ZRANB3: variants seen among roughly 807,000 people sequenced by gnomAD.
ZRANB3 encodes zinc finger RANBP2-type containing 3.
ZRANB3 carries 125 observed loss-of-function variants against 133.8 expected under a neutral mutation model. That is an observed-to-expected ratio of 0.93 (90% confidence interval 0.81 to 1.08). ZRANB3 has a LOEUF of 1.08. Among genes scored for constraint, ZRANB3 ranks in the 50% least tolerant of loss-of-function variants. The pLI, the probability that ZRANB3 is intolerant of heterozygous loss-of-function variation, is 0.00. For synonymous variants in ZRANB3, 387 were observed against 432.7 expected (o/e 0.89, Z 1.31); for missense variants, 1,229 against 1,275.5 (o/e 0.96, Z 0.56).
chr2:135,463,990 A>G (rs982244563), intron 2 of ZRANB3, among the ~76,000 whole-genome samples: 1 of 152,192 alleles, frequency 6.6e-6, no homozygotes, highest in Admixed American at 6.5e-5. Flanking sequence ...TGGAAGACAC[A>G]AATATGTACT....
At chr2:135,328,151 G>A (rs1573918153) in intron 6 of ZRANB3, among the ~76,000 whole-genome samples, 1 of 152,054 alleles carries the variant, frequency 6.6e-6, no homozygotes, top group Non-Finnish European at 1.5e-5. Context: ...GTGCCACGTT[G>A]GTTTGCTGCA....
intron 2 of ZRANB3, among the ~76,000 whole-genome samples, chr2:135,432,873 T>A (rs570983800): frequency 1.4e-4 from 22 of 152,304 alleles, no homozygotes; most frequent in African/African-American, 5.1e-4. Flanking sequence ...CTGTTCCAAG[T>A]GAACCAGAGG....
chr2:135,458,283 C>A (rs1046240182), intron 2 of ZRANB3, among the ~76,000 whole-genome samples: 3 of 151,990 alleles, frequency 2.0e-5, no homozygotes, highest in Non-Finnish European at 4.4e-5. Context: ...TCATTCATTA[C>A]TATAGCTATG....
intron 2 of ZRANB3, among the ~76,000 whole-genome samples, chr2:135,395,442 C>CTTT (rs533900626): frequency 2.1e-4 from 28 of 136,004 alleles, no homozygotes; most frequent in Admixed American, 6.6e-4. Flanking sequence ...GCAAAGATTT[C>CTTT]TTTTTTTTTT....
In ZRANB3 at chr2:135,200,143, T is replaced by G. The variant is rs1244085238; in HGVS notation, c.*199A>C. 5 of 649,344 alleles carry G rather than the reference T, an allele frequency of 7.7e-6. No individual in the cohort carries two copies. The highest frequency in any genetic ancestry group is 1.4e-5 in the Non-Finnish European group (5 of 361,876). 40.2% of individuals were successfully genotyped at this position (649,344 alleles called of 1,614,324 possible). A position where few individuals can be genotyped will look rare whatever the true frequency, so the allele number is the denominator to read the frequency against. On this transcript the variant is annotated 3_prime_UTR_variant, in exon 21 of 21. Coordinates refer to ENST00000264159, the MANE Select transcript of ZRANB3 (RefSeq NM_032143.4). ...TCAAATCAAAAAGACCACAGAAATATTCAGTATTGTATCTTAGTTTCTGTT... is the reference window on the plus strand; with the variant it reads ...TCAAATCAAAAAGACCACAGAAATAGTCAGTATTGTATCTTAGTTTCTGTT...
chr2:135,395,445 T>TC (rs1467532953), intron 2 of ZRANB3, among the ~76,000 whole-genome samples: 48 of 150,882 alleles, frequency 3.2e-4, no homozygotes, highest in Middle Eastern at 6.8e-3. Flanking sequence ...AAGATTTCTT[T>TC]TTTTTTTTTT....
chr2:135,204,288 T>A (rs905464247), intron 19 of ZRANB3, among the ~76,000 whole-genome samples: 1 of 152,178 alleles, frequency 6.6e-6, no homozygotes, highest in Non-Finnish European at 1.5e-5. Flanking sequence ...TAGAAGCTAC[T>A]ACAAATGGCG....
chr2:135,348,651 A>G (rs1467960127), intron 5 of ZRANB3, among the ~76,000 whole-genome samples: 2 of 152,058 alleles, frequency 1.3e-5, no homozygotes, highest in African/African-American at 2.4e-5. Context: ...CTGGAGTGCA[A>G]TGGTGAGATC....
At chr2:135,335,350 T>C (rs1013142404) in intron 6 of ZRANB3, among the ~76,000 whole-genome samples, 2 of 152,026 alleles carry the variant, frequency 1.3e-5, no homozygotes, top group African/African-American at 4.8e-5. Context: ...AAACATAACA[T>C]TACATTAACA....
chr2:135,229,798 T>C (rs2105066970), intron 13 of ZRANB3, among the ~76,000 whole-genome samples: 1 of 152,306 alleles, frequency 6.6e-6, no homozygotes, highest in East Asian at 1.9e-4. Context: ...AAAAATGCTC[T>C]ATAGAATTGG....
chr2:135,509,822 TTTA>T (rs1217993108), intron 1 of ZRANB3, among the ~76,000 whole-genome samples: 2 of 152,182 alleles, frequency 1.3e-5, no homozygotes, highest in Non-Finnish European at 2.9e-5. Flanking sequence ...TTCTATTCCT[TTTA>T]TTGTTTTTAA....
chr2:135,375,421 C>A (rs1312261736), intron 3 of ZRANB3, among the ~76,000 whole-genome samples: 1 of 152,100 alleles, frequency 6.6e-6, no homozygotes, highest in East Asian at 1.9e-4. Context: ...CACGGTGGCT[C>A]ACTCCTGTAA....
At chr2:135,429,060 T>C (rs944195837) in intron 2 of ZRANB3, among the ~76,000 whole-genome samples, 1 of 152,210 alleles carries the variant, frequency 6.6e-6, no homozygotes, top group South Asian at 2.1e-4. Context: ...ATACAAATTG[T>C]TCTACCATAA....
At chr2:135,366,242 A>G (rs1477021335) in intron 3 of ZRANB3, among the ~76,000 whole-genome samples, 1 of 152,158 alleles carries the variant, frequency 6.6e-6, no homozygotes, top group Non-Finnish European at 1.5e-5. Flanking sequence ...CAGAACGTAC[A>G]CCCTTTTAAG....
rs1380613305 is a variant in ZRANB3 at position 135,417,199 on chromosome 2, G to A, written c.162-26379C>T. Among the ~76,000 whole-genome samples the A allele has an allele frequency of 2.0e-5, 3 of 152,252 alleles. No homozygotes were observed. The East Asian group carries it at 5.8e-4, about 29-fold the overall frequency. On this transcript the variant is annotated intron_variant, in intron 2 of 20. Transcript: ENST00000264159. ...ACCTACAGAATGGGAGGAAATTTTT[G>A]CAATCTATTCATCTGACAAAGGGCT... is the stretch of plus-strand genomic sequence containing the variant.
At chr2:135,213,871 C>T (rs1694200730) in intron 17 of ZRANB3, among the ~76,000 whole-genome samples, 2 of 152,072 alleles carry the variant, frequency 1.3e-5, no homozygotes, top group South Asian at 2.1e-4. Flanking sequence ...AATGTAATCA[C>T]TTGAGCCCTT....
chr2:135,228,707 A>G (rs969869754), intron 13 of ZRANB3, among the ~76,000 whole-genome samples: 1 of 152,196 alleles, frequency 6.6e-6, no homozygotes, highest in African/African-American at 2.4e-5. Context: ...CCAAGTTTTT[A>G]GCATGATGTA....
chr2:135,516,008 T>C (rs6735329), intron 1 of ZRANB3, among the ~76,000 whole-genome samples: 88,540 of 152,072 alleles, frequency 0.58, 31,321 homozygotes, highest in East Asian at 1. Context: ...CTTCTTGTTG[T>C]ACTGATCCCT....
At chr2:135,203,482 G>A (rs951389567) in intron 19 of ZRANB3, among the ~76,000 whole-genome samples, 4 of 151,830 alleles carry the variant, frequency 2.6e-5, no homozygotes, top group East Asian at 3.9e-4. Flanking sequence ...AGCCAGGCAC[G>A]GTGGCAGGTG....
Sources: gnomAD v4.1 joint callset for allele counts (sites outside exome capture counted in the v4.1 genomes callset) on GRCh38, gnomAD v4.1.1 for gene constraint, MANE v1.5 for transcripts, NCBI Gene and HGNC (gene_info 2026-07-23, HGNC 2026-07-21) for gene names.